The following KAZN variants were observed in gnomAD, a reference collection of about 807,000 sequenced individuals.
KAZN encodes kazrin, periplakin interacting protein, also known as kazrin.
Under a neutral mutation model 87.4 loss-of-function variants are expected in KAZN, and 40 were observed. The observed-to-expected ratio is 0.46, with a 90% CI of 0.36 to 0.60. The LOEUF (loss-of-function observed/expected upper bound fraction) is 0.60, where lower values mean the gene tolerates loss of function less well. Ranked by LOEUF, KAZN falls within the 20% of genes least tolerant of loss-of-function variation. KAZN has a pLI of 0.00. For missense variants in KAZN, 898 were observed against 1,073.9 expected (o/e 0.84, Z 2.29); for synonymous variants, 466 against 458.3 (o/e 1.02, Z -0.22).
chr1:14,031,059 T>C (rs1641307988), intron 1 of KAZN, among the ~76,000 whole-genome samples: 2 of 152,232 alleles, frequency 1.3e-5, no homozygotes, highest in Non-Finnish European at 2.9e-5. Context: ...CGTCCTTCCT[T>C]AGAAGTTGGT....
At chr1:14,396,476 T>C (rs1012233550) in intron 2 of KAZN, among the ~76,000 whole-genome samples, 2 of 152,214 alleles carry the variant, frequency 1.3e-5, no homozygotes, top group Non-Finnish European at 2.9e-5. Context: ...CTTTTCTAAC[T>C]TGTGAAAATT....
At chr1:14,272,496 T>C (rs951205690) in intron 2 of KAZN, among the ~76,000 whole-genome samples, 5 of 152,210 alleles carry the variant, frequency 3.3e-5, no homozygotes, top group African/African-American at 1.2e-4. Context: ...TCAGCATTCA[T>C]GTTTTGCATG....
intron 2 of KAZN, among the ~76,000 whole-genome samples, chr1:15,007,928 T>G (rs906422870): frequency 5.9e-5 from 9 of 152,192 alleles, no homozygotes; most frequent in Non-Finnish European, 8.8e-5. Flanking sequence ...AAGGGAGCCG[T>G]GCCGTCACCC....
intron 1 of KAZN, among the ~76,000 whole-genome samples, chr1:14,127,591 G>A (rs961161650): frequency 2.6e-5 from 4 of 152,048 alleles, no homozygotes; most frequent in Admixed American, 1.3e-4. Flanking sequence ...GTGCTCCGGC[G>A]TCCTCCAACC....
rs181002258 is a variant in KAZN, at chr1:14,261,073, C to T, written c.249+80481C>T. Reference sequence around the variant, plus strand: ...TGTCTTAGGAAGACAGAAGTTAAGACGGCAACTATTTGCAAGAAGTTGTGG... The same window carrying T: ...TGTCTTAGGAAGACAGAAGTTAAGATGGCAACTATTTGCAAGAAGTTGTGG... On this transcript the variant is annotated intron_variant, in intron 2 of 16. Transcript: ENST00000636203. Among the ~76,000 whole-genome samples the T allele has an allele frequency of 2.1e-3, 324 of 152,232 alleles. 4 individuals are homozygous for T. The highest frequency in any genetic ancestry group is 9.7e-4 in the East Asian group (5 of 5,176).
At chr1:13,908,739 G>A (rs759046114) in intron 1 of KAZN, among the ~76,000 whole-genome samples, 1 of 152,302 alleles carries the variant, frequency 6.6e-6, no homozygotes, top group East Asian at 1.9e-4. Flanking sequence ...TCCCTTTCAA[G>A]GGTCATAAAC....
chr1:13,893,371 C>A (rs1638911503), exon 1 of KAZN: 2 of 271,770 alleles, frequency 7.4e-6, no homozygotes, highest in Non-Finnish European at 1.4e-5. Context: ...CAAGAAGCCA[C>A]GACTCCTGGT....
At chr1:14,498,351 C>T (rs1670063763) in intron 2 of KAZN, among the ~76,000 whole-genome samples, 1 of 152,228 alleles carries the variant, frequency 6.6e-6, no homozygotes, top group South Asian at 2.1e-4. Flanking sequence ...GGTGAAGCCA[C>T]AGGCAGGCAG....
At chr1:14,299,370 G>A (rs1334113656) in intron 2 of KAZN, among the ~76,000 whole-genome samples, 1 of 152,036 alleles carries the variant, frequency 6.6e-6, no homozygotes, top group Admixed American at 6.6e-5. Flanking sequence ...AGGCGTGTTG[G>A]CATGCACCTG....
intron 1 of KAZN, among the ~76,000 whole-genome samples, chr1:13,999,827 G>A (rs569689759): frequency 5.3e-4 from 80 of 151,308 alleles, no homozygotes; most frequent in African/African-American, 1.9e-3. Flanking sequence ...AGAAAGAGAA[G>A]AATCAAATAG....
At chr1:14,477,337 C>T (rs75371662) in intron 2 of KAZN, among the ~76,000 whole-genome samples, 3,927 of 152,068 alleles carry the variant, frequency 0.026, 63 homozygotes, top group Non-Finnish European at 0.032. Flanking sequence ...ACTGTAAATC[C>T]TTTAAACCTC....
chr1:13,956,067 G>A lies in KAZN; in HGVS notation c.91+62311G>A, dbSNP rs372591409. Reference sequence around the variant, plus strand: ...AGGCTGCTGGATGAATGAGTGATGGGTGCATTAATTAATCCCAATTAGAAC... The same window carrying A: ...AGGCTGCTGGATGAATGAGTGATGGATGCATTAATTAATCCCAATTAGAAC... On this transcript the variant is annotated intron_variant, in intron 1 of 16. Coordinates refer to the KAZN transcript ENST00000636203. 2.2e-4 allele frequency among the ~76,000 whole-genome samples: 33 copies of A among 152,308 alleles called. No individual in the cohort carries two copies. In the East Asian group the frequency reaches 4.6e-3, roughly 21 times the overall value.
chr1:14,192,872 G>C (rs1646449641), intron 2 of KAZN, among the ~76,000 whole-genome samples: 1 of 152,144 alleles, frequency 6.6e-6, no homozygotes, highest in South Asian at 2.1e-4. Context: ...ACATTATTTG[G>C]ACATTGGGTC....
chr1:14,750,258 T>TG (rs35970334), intron 1 of KAZN, among the ~76,000 whole-genome samples: 73,047 of 151,862 alleles, frequency 0.48, 18,067 homozygotes, highest in African/African-American at 0.58. Context: ...ACAGTATTCA[T>TG]GGGTGCGGCC....
rs1668518105 is a variant in KAZN, at chr1:15,001,883, T to C, written c.419-32866T>C. Among the ~76,000 whole-genome samples the C allele has an allele frequency of 5.0e-5, 7 of 140,576 alleles. No homozygotes were observed. In the South Asian group the frequency reaches 1.7e-3, roughly 35 times the overall value. The allele number at this position is 140,576 out of a possible 152,430, so 92.2% of individuals were successfully genotyped here. ...CAAAGTCAAAATCTTTTTTTTTTTT[T>C]TTTTTTTTTTTTTTTTAGGTGGAGT... On this transcript the variant is annotated intron_variant, in intron 2 of 14. Coordinates refer to ENST00000376030, the MANE Select transcript of KAZN (RefSeq NM_201628.3).
intron 1 of KAZN, among the ~76,000 whole-genome samples, chr1:13,898,878 G>C (rs12086572): frequency 6.6e-6 from 1 of 152,088 alleles, no homozygotes; most frequent in African/African-American, 2.4e-5. Flanking sequence ...ATGGAGCCTA[G>C]CTACATTTGG....
At chr1:14,709,987 C>T (rs1017586692) in intron 1 of KAZN, among the ~76,000 whole-genome samples, 7 of 152,194 alleles carry the variant, frequency 4.6e-5, no homozygotes, top group African/African-American at 1.7e-4. Flanking sequence ...CACAGTATCC[C>T]TGCTGTGTCT....
chr1:15,110,521 G>GCA (rs1557807258), intron 13 of KAZN, among the ~76,000 whole-genome samples: 3,434 of 119,876 alleles, frequency 0.029, 150 homozygotes, highest in African/African-American at 0.1. Flanking sequence ...GTGTTTGTGT[G>GCA]TATGTGTTTG....
chr1:14,511,957 C>T (rs948864559), intron 2 of KAZN, among the ~76,000 whole-genome samples: 1 of 152,110 alleles, frequency 6.6e-6, no homozygotes, highest in African/African-American at 2.4e-5. Context: ...ATAACTCACA[C>T]GGCTGGAGGA....
Sources: gnomAD v4.1 joint callset for allele counts (sites outside exome capture counted in the v4.1 genomes callset) on GRCh38, gnomAD v4.1.1 for gene constraint, MANE v1.5 for transcripts, NCBI Gene and HGNC (gene_info 2026-07-23, HGNC 2026-07-21) for gene names.